ABRAXAS1: variants seen among roughly 807,000 people sequenced by gnomAD.
ABRAXAS1 encodes BRCA1-A complex subunit Abraxas 1.
A neutral mutation model predicts 38.4 loss-of-function variants in ABRAXAS1; 26 were observed. The ratio of observed to expected loss-of-function variants is 0.68; its 90% CI spans 0.50 to 0.94. The LOEUF is 0.94. Among genes scored for constraint, ABRAXAS1 ranks in the 40% least tolerant of loss-of-function variants. The pLI, the probability that ABRAXAS1 is intolerant of heterozygous loss-of-function variation, is 0.00. For synonymous variants in ABRAXAS1, 144 were observed against 165.5 expected, an observed-to-expected ratio of 0.87 and a Z score of 1.00; for missense variants, 438 against 481.9, an observed-to-expected ratio of 0.91 and a Z score of 0.85.
intron 3 of ABRAXAS1, 96 bp downstream of exon 3, chr4:83,476,547 G>C: frequency 1.1e-6 from 1 of 892,118 alleles, no homozygotes; most frequent in South Asian, 1.5e-5. Flanking sequence ...CCATGTATAG[G>C]TTATAACTAA....
rs777092043 is a variant in ABRAXAS1, at chr4:83,460,973, G to A, written c.*1496C>T. On this transcript the variant is annotated 3_prime_UTR_variant, in exon 9 of 9. Transcript: ENST00000321945. ...AATAAGAAAGCTTTTTATTTTACAG[G>A]TCTTTGTGGGAAGAAACAGAAAGAA... The A allele has an allele frequency of 6.2e-7, 1 of 1,602,742 alleles. No homozygotes were observed. Among genetic ancestry groups the A allele is most frequent in the South Asian group, 1.1e-5 (1 of 88,380 alleles).
chr4:83,470,242 G>A lies in ABRAXAS1; in HGVS notation c.437C>T (p.Thr146Ile), dbSNP rs2110039644. ...ATATAAGGAATGTTCCAGTCGATGA[G>A]TAGAGCAGCTTTCTGTTATTATACT... ...TPSIITESCS[T>I]HRLEHSLYKP... is the part of the protein sequence containing the mutation. The change falls in exon 5 of 9, where the codon ACT becomes ATT. Residue 146 changes from threonine (T) to isoleucine (I), a missense_variant. Thr to Ile is a moderately conservative substitution (Grantham distance 89, BLOSUM62 -1). Transcript: ENST00000321945. The A allele has an allele frequency of 6.2e-7, 1 of 1,613,684 alleles. No individual in the cohort carries two copies. The highest frequency in any genetic ancestry group is 8.5e-7 in the Non-Finnish European group (1 of 1,179,708).
chr4:83,480,574 A>G (rs6833370), intron 2 of ABRAXAS1, among the ~76,000 whole-genome samples: 9,770 of 152,232 alleles, frequency 0.064, 1,048 homozygotes, highest in African/African-American at 0.22. Context: ...AATAACATAC[A>G]GTATGAGTAC....
chr4:83,478,021 A>G (rs1243219472), intron 2 of ABRAXAS1: 3 of 974,454 alleles, frequency 3.1e-6, no homozygotes, highest in Non-Finnish European at 3.3e-6. Context: ...ACCAACAGGA[A>G]GGCACCAGGG....
chr4:83,476,977 C>A (rs1722798954), intron 2 of ABRAXAS1, among the ~76,000 whole-genome samples: 1 of 152,176 alleles, frequency 6.6e-6, no homozygotes, highest in African/African-American at 2.4e-5. Context: ...ATAAGTCCAA[C>A]ACAAAAGATA....
At chr4:83,470,694 T>G (rs1722549002) in intron 4 of ABRAXAS1, among the ~76,000 whole-genome samples, 1 of 152,190 alleles carries the variant, frequency 6.6e-6, no homozygotes, top group African/African-American at 2.4e-5. Context: ...GCAATCTCAC[T>G]CTTTAGTCAA....
At chr4:83,469,419 C>A in intron 5 of ABRAXAS1, 1 of 303,476 alleles carries the variant, frequency 3.3e-6, no homozygotes, top group Non-Finnish European at 6.3e-6. Context: ...CGTGCTCAAG[C>A]AATCCTCTTG....
rs1404975428 is a variant in ABRAXAS1, at chr4:83,472,254, C to G, written c.250G>C (p.Ala84Pro). Residue 84 changes from alanine to proline, a missense_variant, in exon 4 of 9, where the codon GCA becomes CCA. By Grantham distance (27) the Ala-to-Pro change is conservative (BLOSUM62 -1). This residue lies in a region of ABRAXAS1 where 194 missense variants were observed against 269.0 expected (regional missense o/e 0.72). Transcript: ENST00000321945. ...YNSSGEVNEQ[A>P]LKKILSNVKK... ...ACATTTGATAATATTTTCTTCAGTG[C>G]TTGCTCATTTACTTCGCCTGAAGAA... 2 of 1,531,820 alleles carry G rather than the reference C, an allele frequency of 1.3e-6. No individual in the cohort carries two copies. Among genetic ancestry groups the G allele is most frequent in the Non-Finnish European group, 1.8e-6 (2 of 1,139,000 alleles). 94.9% of individuals were successfully genotyped at this position (1,531,820 alleles called of 1,614,324 possible).
chr4:83,482,760 C>T (rs1249140267), intron 1 of ABRAXAS1, among the ~76,000 whole-genome samples: 1 of 152,124 alleles, frequency 6.6e-6, no homozygotes, highest in African/African-American at 2.4e-5. Flanking sequence ...CTGAAATAAT[C>T]AGAGTAGCCC....
At chr4:83,471,973 A>G (rs951724476) in intron 4 of ABRAXAS1, among the ~76,000 whole-genome samples, 2 of 152,214 alleles carry the variant, frequency 1.3e-5, no homozygotes, top group Non-Finnish European at 1.5e-5. Context: ...TGGTGGAAAT[A>G]TAAGAGAAAG....
intron 7 of ABRAXAS1, 198 bp downstream of exon 7, chr4:83,467,256 T>C: frequency 2.2e-6 from 1 of 445,948 alleles, no homozygotes; most frequent in Non-Finnish European, 4.0e-6. Context: ...AAAATACATA[T>C]AGGTTTGTGT....
chr4:83,459,759 C>T lies in ABRAXAS1; in HGVS notation c.*2710G>A. The T allele has an allele frequency of 6.2e-7, 1 of 1,610,364 alleles. No individual in the cohort carries two copies. The highest frequency in any genetic ancestry group is 8.5e-7 in the Non-Finnish European group (1 of 1,178,124). The stretch of plus-strand genomic sequence containing the variant: ...AAACAGCTTTTGTCCCAGTTTGTTT[C>T]TCCATTTACTGGATGCATTTATGGA... On this transcript the variant is annotated 3_prime_UTR_variant, in exon 9 of 9. Coordinates refer to ENST00000321945, the MANE Select transcript of ABRAXAS1 (RefSeq NM_139076.3).
intron 1 of ABRAXAS1, chr4:83,484,750 G>A (rs1294822363): frequency 5.0e-6 from 2 of 397,348 alleles, no homozygotes; most frequent in Non-Finnish European, 9.1e-6. Context: ...GGACACTTGG[G>A]TCGGAAAAGG....
Position 83,462,689 on chromosome 4 carries a change from G to A in ABRAXAS1, c.1010C>T (p.Pro337Leu), listed in dbSNP as rs1375444295. Reference protein sequence around the residue: ...VEHTDIPEASPASTPQIIKHK... With the variant: ...VEHTDIPEASLASTPQIIKHK... ...CTTAATGATTTGTGGTGTACTAGCT[G>A]GACTAGCTTCAGGAATGTCAGTGTG... Residue 337 changes from proline (P) to leucine (L), a missense_variant, in exon 9 of 9, where the codon CCA (proline) becomes CTA (leucine). Transcript: ENST00000321945. The A allele has an allele frequency of 6.2e-7, 1 of 1,613,480 alleles. No homozygotes were observed. The highest frequency in any genetic ancestry group is 8.5e-7 in the Non-Finnish European group (1 of 1,179,940).
intron 4 of ABRAXAS1, 103 bp downstream of exon 4, chr4:83,472,119 A>G: frequency 3.1e-6 from 2 of 639,070 alleles, no homozygotes. Flanking sequence ...GGATACTATG[A>G]TGTCAAACAC....
At chr4:83,480,407 T>C (rs552287349) in intron 2 of ABRAXAS1, 46 of 387,414 alleles carry the variant, frequency 1.2e-4, no homozygotes, top group African/African-American at 8.3e-4. Flanking sequence ...CACATATATA[T>C]ACACACACAC....
intron 7 of ABRAXAS1, among the ~76,000 whole-genome samples, chr4:83,466,521 T>C (rs922940029): frequency 6.6e-6 from 1 of 151,076 alleles, no homozygotes; most frequent in Non-Finnish European, 1.5e-5. Context: ...TTTTAAGAGC[T>C]GTTGTGAATT....
intron 2 of ABRAXAS1, among the ~76,000 whole-genome samples, chr4:83,480,905 T>C (rs916140734): frequency 1.3e-5 from 2 of 151,770 alleles, no homozygotes; most frequent in Non-Finnish European, 2.9e-5. Flanking sequence ...CCGAGGCGAG[T>C]GGATCACTTG....
intron 7 of ABRAXAS1, among the ~76,000 whole-genome samples, chr4:83,465,319 A>G (rs1427054049): frequency 6.8e-6 from 1 of 147,634 alleles, no homozygotes; most frequent in African/African-American, 2.5e-5. Context: ...AAAAAAAAAA[A>G]GAAGAAACTA....
Sources: gnomAD v4.1 joint callset for allele counts (sites outside exome capture counted in the v4.1 genomes callset) on GRCh38, gnomAD v4.1.1 for gene constraint, gnomAD v4.1.1 regional missense constraint, MANE v1.5 for transcripts, NCBI Gene and HGNC (gene_info 2026-07-23, HGNC 2026-07-21) for gene names.